FBXL2: variants seen among roughly 807,000 people sequenced by gnomAD.
The protein encoded by FBXL2 is F-box/LRR-repeat protein 2.
A neutral mutation model predicts 69.2 loss-of-function variants in FBXL2; 38 were observed. The ratio of observed to expected loss-of-function variants is 0.55; its 90% CI spans 0.42 to 0.72. The LOEUF (loss-of-function observed/expected upper bound fraction) is 0.72, where lower values mean the gene tolerates loss of function less well. FBXL2 is among the 30% of genes least tolerant of loss of function. The pLI, the probability that FBXL2 is intolerant of heterozygous loss-of-function variation, is 0.00. For missense variants in FBXL2, 354 were observed against 520.3 expected (o/e 0.68, Z 3.11); for synonymous variants, 192 against 201.3 (o/e 0.95, Z 0.39).
downstream of FBXL2, among the ~76,000 whole-genome samples, chr3:33,406,109 T>G (rs2044413449): frequency 6.6e-6 from 1 of 152,208 alleles, no homozygotes; most frequent in Non-Finnish European, 1.5e-5. Flanking sequence ...TGCCCATTCT[T>G]TTAAAATTAG....
chr3:33,356,960 G>A (rs2041245432), intron 2 of FBXL2, among the ~76,000 whole-genome samples: 1 of 152,178 alleles, frequency 6.6e-6, no homozygotes, highest in Admixed American at 6.5e-5. Flanking sequence ...AGTATATGTA[G>A]TGGTCATGGC....
intron 1 of FBXL2, among the ~76,000 whole-genome samples, chr3:33,283,754 A>G (rs183347643): frequency 1.5e-4 from 23 of 152,238 alleles, no homozygotes; most frequent in Admixed American, 5.2e-4. Flanking sequence ...TAGGGATTCA[A>G]CTTCTTCCTG....
chr3:33,364,312 C>T (rs1034295264), intron 4 of FBXL2: 1 of 325,428 alleles, frequency 3.1e-6, no homozygotes, highest in African/African-American at 2.1e-5. Flanking sequence ...ATAGCTGTGA[C>T]CTGGGTAGGG....
At chr3:33,321,213 G>A (rs1210814899) in intron 2 of FBXL2, among the ~76,000 whole-genome samples, 2 of 151,856 alleles carry the variant, frequency 1.3e-5, no homozygotes, top group African/African-American at 2.4e-5. Context: ...GGGAAGCTGA[G>A]GCAGCAGAAT....
At chr3:33,380,488 G>A (rs2042970315) in intron 13 of FBXL2, among the ~76,000 whole-genome samples, 1 of 151,390 alleles carries the variant, frequency 6.6e-6, no homozygotes, top group South Asian at 2.1e-4. Context: ...AAACTGGGAG[G>A]GGGAGATTGC....
downstream of FBXL2, among the ~76,000 whole-genome samples, chr3:33,406,370 T>C (rs2044427876): frequency 6.6e-6 from 1 of 152,238 alleles, no homozygotes; most frequent in African/African-American, 2.4e-5. Context: ...AATCTAATCA[T>C]GGGTATCACA....
intron 2 of FBXL2, among the ~76,000 whole-genome samples, chr3:33,355,505 A>C (rs1276333436): frequency 2.0e-5 from 3 of 152,212 alleles, no homozygotes. Flanking sequence ...CTTAATAGGA[A>C]ATTCCGAGGA....
At chr3:33,411,262 T>C in the FBXL2 span, among the ~76,000 whole-genome samples, 29 of 152,188 alleles carry the variant, frequency 1.9e-4, no homozygotes, top group African/African-American at 6.3e-4. Flanking sequence ...CCTCAATCTT[T>C]TTTCAATCGT....
chr3:33,334,347 C>CA (rs1187230268), intron 2 of FBXL2, among the ~76,000 whole-genome samples: 7 of 152,070 alleles, frequency 4.6e-5, no homozygotes, highest in Admixed American at 1.3e-4. Context: ...TCAAGGGATT[C>CA]ATGGAAGTTC....
chr3:33,372,505 G>C (rs1302535476), intron 5 of FBXL2: 1 of 158,162 alleles, frequency 6.3e-6, no homozygotes, highest in Non-Finnish European at 1.4e-5. Flanking sequence ...GTGGTGAATA[G>C]GGCGTTTTAA....
In FBXL2 at chr3:33,327,087, A is replaced by T. The variant is rs569776126; in HGVS notation, c.65+29362A>T. On this transcript the variant is annotated intron_variant, in intron 2 of 14. Transcript: ENST00000484457. ...GTTCTGTTAATTCATGATGTGTACC[A>T]TATATTCTGTCTAATGTTTACTAAT... Among the ~76,000 whole-genome samples the T allele has an allele frequency of 2.6e-5, 4 of 152,300 alleles. No individual in the cohort carries two copies. The South Asian group carries it at 8.3e-4, about 32-fold the overall frequency.
chr3:33,374,174 GT>G lies in FBXL2; in HGVS notation c.657+255del, dbSNP rs1466523316. ...ATAATACAGACTAGGTCTTGATTTT[GT>G]TGAATAGAGTATTAGGGACGCTATT... On this transcript the variant is annotated intron_variant, in intron 9 of 14. Transcript: ENST00000484457. 5.9e-5 allele frequency among the ~76,000 whole-genome samples: 9 copies of G among 152,278 alleles called. No individual in the cohort carries two copies. In the East Asian group the frequency reaches 7.7e-4, roughly 13 times the overall value.
Position 33,387,022 on chromosome 3 carries a change from G to A in FBXL2, c.*1414G>A, listed in dbSNP as rs556866062. 2.0e-5 allele frequency: 3 copies of A among 152,238 alleles called. No individual in the cohort carries two copies. Among genetic ancestry groups the A allele is most frequent in the Admixed American group, 6.5e-5 (1 of 15,290 alleles). 9.4% of individuals were successfully genotyped at this position (152,238 alleles called of 1,614,324 possible). A position where few individuals can be genotyped will look rare whatever the true frequency, so the allele number is the denominator to read the frequency against. ...TATTATGTCAGCTGCATTCTAGGAAGAGAAGCAGATTATATATATATATAA... is the reference window on the plus strand; with the variant it reads ...TATTATGTCAGCTGCATTCTAGGAAAAGAAGCAGATTATATATATATATAA... On this transcript the variant is annotated 3_prime_UTR_variant, in exon 15 of 15. Transcript: ENST00000484457.
chr3:33,400,874 C>T (rs1274906958), intron 12 of FBXL2: 30 of 1,293,112 alleles, frequency 2.3e-5, no homozygotes, highest in Non-Finnish European at 3.1e-5. Flanking sequence ...CAAAACTTCT[C>T]ACCTACTCCA....
At chr3:33,377,801 G>A (rs997864702) in intron 11 of FBXL2, among the ~76,000 whole-genome samples, 1 of 152,182 alleles carries the variant, frequency 6.6e-6, no homozygotes, top group Admixed American at 6.5e-5. Flanking sequence ...CAGAGTCTAG[G>A]CTATGGCTAA....
At chr3:33,373,067 G>A (rs370890055) in intron 5 of FBXL2, 25 bp from the exon 6 acceptor site, 151 of 1,610,624 alleles carry the variant, frequency 9.4e-5, no homozygotes, top group Non-Finnish European at 1.2e-4. Flanking sequence ...CTTGCAGGGA[G>A]CTTTAAAATG....
rs191114336 is a variant in FBXL2 at position 33,377,485 on chromosome 3, C to T, written c.849+152C>T. The T allele has an allele frequency of 5.7e-6, 4 of 707,518 alleles. No homozygotes were observed. In the East Asian group the frequency reaches 1.1e-4, roughly 19 times the overall value. 43.8% of individuals were successfully genotyped at this position (707,518 alleles called of 1,614,324 possible). On this transcript the variant is annotated intron_variant, in intron 11 of 14. Transcript: ENST00000484457. ...CCTTGGGGTGTGTACTGCAGTTTTT[C>T]CAGTTAGCCAGAAATCTAGGGAAGT...
rs534040180 is a variant in FBXL2, at chr3:33,386,924, C to T, written c.*1316C>T. ...GCTCATGAGAAACTTAAAAGTGAAA[C>T]GGCAAAAGCAAGATGTGTTCCCATG... On this transcript the variant is annotated 3_prime_UTR_variant, in exon 15 of 15. Coordinates refer to ENST00000484457, the MANE Select transcript of FBXL2 (RefSeq NM_012157.5). 2.0e-5 allele frequency: 3 copies of T among 152,258 alleles called. No homozygotes were observed. Among genetic ancestry groups the T allele is most frequent in the Non-Finnish European group, 4.4e-5 (3 of 68,020 alleles). The allele number at this position is 152,258 out of a possible 1,614,324, so 9.4% of individuals were successfully genotyped here.
intron 2 of FBXL2, among the ~76,000 whole-genome samples, chr3:33,323,691 C>T (rs977113084): frequency 9.2e-5 from 14 of 152,168 alleles, no homozygotes; most frequent in Non-Finnish European, 1.9e-4. Context: ...ACCACATTTT[C>T]TTTATCCAGT....
Sources: allele counts gnomAD v4.1 joint callset (sites outside exome capture counted in the v4.1 genomes callset), GRCh38; gene constraint gnomAD v4.1.1; transcripts MANE v1.5; gene names NCBI Gene and HGNC (gene_info 2026-07-23, HGNC 2026-07-21).